Variants in KDM1B observed in about 807,000 individuals in gnomAD.
The protein encoded by KDM1B is lysine-specific histone demethylase 2.
A neutral mutation model predicts 107.4 loss-of-function variants in KDM1B; 63 were observed. That is an observed-to-expected ratio of 0.59 (90% confidence interval 0.48 to 0.72). The LOEUF is 0.72. KDM1B is among the 30% of genes least tolerant of loss of function. KDM1B has a pLI of 0.00. For missense variants in KDM1B, 749 were observed against 1,020.8 expected, an observed-to-expected ratio of 0.73 and a Z score of 3.63; for synonymous variants, 363 against 363.9, an observed-to-expected ratio of 1.00 and a Z score of 0.03.
At chr6:18,196,276 G>A (rs1456369616) in intron 10 of KDM1B, among the ~76,000 whole-genome samples, 2 of 152,146 alleles carry the variant, frequency 1.3e-5, no homozygotes, top group African/African-American at 4.8e-5. Flanking sequence ...TTGTGATAAT[G>A]CTGCAATGAA....
chr6:18,196,002 C>A (rs1396318013), intron 10 of KDM1B, among the ~76,000 whole-genome samples: 1 of 152,138 alleles, frequency 6.6e-6, no homozygotes, highest in Non-Finnish European at 1.5e-5. Flanking sequence ...CCCCTCCCCT[C>A]AGCCCCGGTA....
At chr6:18,195,824 C>CT (rs1561936766) in intron 10 of KDM1B, among the ~76,000 whole-genome samples, 1 of 151,664 alleles carries the variant, frequency 6.6e-6, no homozygotes, top group African/African-American at 2.4e-5. Context: ...ATATAGTTAC[C>CT]TTTTTTGTCT....
At position 18,188,009 on chromosome 6, in the gene KDM1B, G is replaced by A; in HGVS notation, c.784+7G>A. ...GCTGCCCTCTCCGTGCACGGTGAGA[G>A]CCATTCCTGGGACTCCCTGCTTTCT... is the stretch of plus-strand genomic sequence containing the variant. On this transcript the variant is annotated splice_region_variant and intron_variant, in intron 9 of 21. Coordinates refer to ENST00000650836, the MANE Select transcript of KDM1B (RefSeq NM_001364614.2). 1.9e-6 allele frequency: 3 copies of A among 1,549,256 alleles called. No individual in the cohort carries two copies. Among genetic ancestry groups the A allele is most frequent in the South Asian group, 2.4e-5 (2 of 84,034 alleles).
chr6:18,219,972 G>A (rs1789554066), intron 21 of KDM1B, among the ~76,000 whole-genome samples: 2 of 152,230 alleles, frequency 1.3e-5, no homozygotes, highest in Admixed American at 6.5e-5. Flanking sequence ...AGTGGGGAAT[G>A]TGGTGAGGGA....
chr6:18,216,977 A>G (rs1485771659), intron 20 of KDM1B, among the ~76,000 whole-genome samples: 4 of 152,182 alleles, frequency 2.6e-5, no homozygotes, highest in Non-Finnish European at 5.9e-5. Context: ...AAATTGAGTG[A>G]ATGTGAAACA....
chr6:18,201,492 A>G lies in KDM1B; in HGVS notation c.1366A>G (p.Ile456Val). ...TATTCTTATTATTTTGAAGCTTGGCATCAGCATGCATAAATTTGGAGAAAG... is the reference window on the plus strand; with the variant it reads ...TATTCTTATTATTTTGAAGCTTGGCGTCAGCATGCATAAATTTGGAGAAAG... ...PVALMCEQLG[I>V]SMHKFGERCD... Residue 456 changes from isoleucine to valine, a missense_variant, in exon 14 of 22, where the codon ATC (isoleucine) becomes GTC (valine). Transcript: ENST00000650836. The surrounding 1 kb of genome is among the most constrained non-coding windows in gnomAD (Gnocchi z 4.3). 2 of 1,547,586 alleles carry G rather than the reference A, an allele frequency of 1.3e-6. No homozygotes were observed. Among genetic ancestry groups the G allele is most frequent in the Non-Finnish European group, 1.7e-6 (2 of 1,145,986 alleles).
At chr6:18,218,764 C>T (rs1312102336) in intron 21 of KDM1B, among the ~76,000 whole-genome samples, 1 of 152,156 alleles carries the variant, frequency 6.6e-6, no homozygotes, top group Non-Finnish European at 1.5e-5. Context: ...GGCCAGCTAG[C>T]TCCAGTCCTT....
At chr6:18,182,815 G>A (rs1261466615) in intron 7 of KDM1B, among the ~76,000 whole-genome samples, 2 of 152,174 alleles carry the variant, frequency 1.3e-5, no homozygotes, top group African/African-American at 4.8e-5. Context: ...ACAGGTGTGA[G>A]CCACTGTGCT....
intron 17 of KDM1B, among the ~76,000 whole-genome samples, chr6:18,210,406 G>T (rs1335468598): frequency 1.6e-5 from 2 of 128,082 alleles, no homozygotes; most frequent in South Asian, 2.4e-4. Flanking sequence ...GCCCAAGCTG[G>T]AGTGCAGTGG....
intron 10 of KDM1B, 85 bp from the exon 11 acceptor site, chr6:18,196,972 C>T: frequency 1.6e-6 from 2 of 1,265,288 alleles, no homozygotes; most frequent in Non-Finnish European, 2.2e-6. Context: ...TTTTACTTGT[C>T]TTTTAAATGG....
chr6:18,207,081 A>G (rs1788425865), intron 15 of KDM1B, among the ~76,000 whole-genome samples: 1 of 152,166 alleles, frequency 6.6e-6, no homozygotes, highest in South Asian at 2.1e-4. Flanking sequence ...GCATATTTAT[A>G]TATGTTGATC....
chr6:18,200,917 T>C lies in KDM1B; in HGVS notation c.1359+341T>C, dbSNP rs1251836358. The stretch of plus-strand genomic sequence containing the variant: ...ATAAACAAGTAATTTTTTACCCAAG[T>C]ATTTCCCAGTATTACATGGGATATT... On this transcript the variant is annotated intron_variant, in intron 13 of 21. Coordinates refer to ENST00000650836, the MANE Select transcript of KDM1B (RefSeq NM_001364614.2). The surrounding 1 kb of genome is among the most constrained non-coding windows in gnomAD (Gnocchi z 4.3). Among the ~76,000 whole-genome samples, 2 of 152,212 alleles carry C rather than the reference T, an allele frequency of 1.3e-5. No homozygotes were observed. Among genetic ancestry groups the C allele is most frequent in the Non-Finnish European group, 2.9e-5 (2 of 68,034 alleles).
rs1354688501 is a variant in KDM1B at position 18,201,097 on chromosome 6, T to A, written c.1360-389T>A. Among the ~76,000 whole-genome samples the A allele has an allele frequency of 1.3e-5, 2 of 152,342 alleles. No individual in the cohort carries two copies. Among genetic ancestry groups the A allele is most frequent in the East Asian group, 3.9e-4 (2 of 5,188 alleles). ...CCCAAGACTTTTTCTGAAATGTTTA[T>A]TGATGGTCAATTCAATTTCAACTTC... On this transcript the variant is annotated intron_variant, in intron 13 of 21. Coordinates refer to ENST00000650836, the MANE Select transcript of KDM1B (RefSeq NM_001364614.2). The surrounding 1 kb of genome is among the most constrained non-coding windows in gnomAD (Gnocchi z 4.3).
chr6:18,178,622 A>C (rs1013085740), intron 7 of KDM1B, among the ~76,000 whole-genome samples: 3 of 150,002 alleles, frequency 2.0e-5, no homozygotes, highest in African/African-American at 7.4e-5. Context: ...CGAACTCCTG[A>C]CCTCGTGATC....
At chr6:18,221,064 G>A (rs1449652689) in intron 21 of KDM1B, among the ~76,000 whole-genome samples, 1 of 151,814 alleles carries the variant, frequency 6.6e-6, no homozygotes, top group Non-Finnish European at 1.5e-5. Context: ...TATTTCTGAG[G>A]CTTCCTTCCC....
chr6:18,207,550 G>A lies in KDM1B; in HGVS notation c.1791+21G>A, dbSNP rs2151000118. 2.5e-6 allele frequency: 4 copies of A among 1,613,454 alleles called. No individual in the cohort carries two copies. In the East Asian group the frequency reaches 8.9e-5, roughly 36 times the overall value. On this transcript the variant is annotated intron_variant, in intron 16 of 21. Coordinates refer to ENST00000650836, the MANE Select transcript of KDM1B (RefSeq NM_001364614.2). ...CTCCAGTGAGTATCAACTGCTGGGA[G>A]GCTCTGGCTCGCCTTGTTTGGGGAG...
At position 18,172,294 on chromosome 6, in the gene KDM1B, C is replaced by A. The variant is rs1341925458; in HGVS notation, c.534+815C>A. Among the ~76,000 whole-genome samples the A allele has an allele frequency of 6.6e-6, 1 of 152,116 alleles. No homozygotes were observed. Among genetic ancestry groups the A allele is most frequent in the Non-Finnish European group, 1.5e-5 (1 of 68,014 alleles). ...TCTACACAAATGCCACTGGTACCTG[C>A]AGTACATTAAAGAATATTAGGAATC... On this transcript the variant is annotated intron_variant, in intron 7 of 21. Coordinates refer to ENST00000650836, the MANE Select transcript of KDM1B (RefSeq NM_001364614.2). The surrounding 1 kb of genome is among the most constrained non-coding windows in gnomAD (Gnocchi z 5.2).
intron 8 of KDM1B, 91 bp downstream of exon 8, chr6:18,185,901 C>G (rs1436579229): frequency 8.0e-7 from 1 of 1,253,728 alleles, no homozygotes; most frequent in East Asian, 2.3e-5. Flanking sequence ...TCATGAATTT[C>G]TTTCTCTTTG....
intron 6 of KDM1B, among the ~76,000 whole-genome samples, chr6:18,166,964 A>G (rs1486827723): frequency 6.6e-6 from 1 of 151,752 alleles, no homozygotes; most frequent in Non-Finnish European, 1.5e-5. Flanking sequence ...TTCTTTTCAT[A>G]TTTTTGTCTG....
Sources: allele counts gnomAD v4.1 joint callset (sites outside exome capture counted in the v4.1 genomes callset), GRCh38; gene constraint gnomAD v4.1.1; non-coding constraint Gnocchi (gnomAD v3.1); transcripts MANE v1.5; gene names NCBI Gene and HGNC (gene_info 2026-07-23, HGNC 2026-07-21).